SKAP1: variants seen among roughly 807,000 people sequenced by gnomAD.
SKAP1 encodes src kinase associated phosphoprotein 1.
Under a neutral mutation model 58.5 loss-of-function variants are expected in SKAP1, and 44 were observed. The observed-to-expected ratio is 0.75, with a 90% CI of 0.59 to 0.97. The LOEUF is 0.97. Among genes scored for constraint, SKAP1 ranks in the 50% least tolerant of loss-of-function variants. The pLI is 0.00. For synonymous variants in SKAP1, 127 were observed against 149.7 expected (o/e 0.85, Z 1.11); for missense variants, 390 against 435.2 (o/e 0.90, Z 0.92).
chr17:48,274,535 A>G (rs986930748), intron 4 of SKAP1, among the ~76,000 whole-genome samples: 2 of 152,046 alleles, frequency 1.3e-5, no homozygotes, highest in Non-Finnish European at 2.9e-5. Flanking sequence ...CGTCTCTACT[A>G]AAAATACAAA....
intron 10 of SKAP1, 50 bp downstream of exon 10, chr17:48,170,559 G>A (rs745804051): frequency 6.7e-7 from 1 of 1,487,614 alleles, no homozygotes; most frequent in Admixed American, 1.7e-5. Flanking sequence ...TCTCTAATCA[G>A]AAGCCCATAA....
At chr17:48,219,895 T>A (rs1289643149) in intron 4 of SKAP1, among the ~76,000 whole-genome samples, 2 of 152,212 alleles carry the variant, frequency 1.3e-5, no homozygotes, top group Non-Finnish European at 1.5e-5. Flanking sequence ...ACAGAGGAGA[T>A]GTTCCTGTGA....
chr17:48,195,224 GTTAC>G (rs2064608733), intron 4 of SKAP1, among the ~76,000 whole-genome samples: 1 of 152,074 alleles, frequency 6.6e-6, no homozygotes, highest in African/African-American at 2.4e-5. Context: ...ACTTTTCTGG[GTTAC>G]TTTTTTGCCT....
At chr17:48,326,889 C>CTTT (rs35868072) in intron 4 of SKAP1, among the ~76,000 whole-genome samples, 17 of 121,586 alleles carry the variant, frequency 1.4e-4, no homozygotes, top group South Asian at 2.7e-4. Context: ...TTCTTTCTTT[C>CTTT]TTTTTTTTTT....
intron 4 of SKAP1, 78 bp from the exon 5 acceptor site, chr17:48,189,578 C>T (rs2064509020): frequency 2.1e-6 from 2 of 970,128 alleles, no homozygotes; most frequent in African/African-American, 1.6e-5. Context: ...AGGTAATTCA[C>T]ATTAATAACA....
chr17:48,178,584 T>C (rs2064322983), intron 9 of SKAP1, among the ~76,000 whole-genome samples: 1 of 152,228 alleles, frequency 6.6e-6, no homozygotes, highest in Non-Finnish European at 1.5e-5. Context: ...TTTTCCACTC[T>C]ATAAAATTAC....
chr17:48,191,052 C>T (rs988059475), intron 4 of SKAP1, among the ~76,000 whole-genome samples: 2 of 152,142 alleles, frequency 1.3e-5, no homozygotes, highest in East Asian at 1.9e-4. Flanking sequence ...ACAAATAATA[C>T]CCTGAAACTT....
intron 4 of SKAP1, among the ~76,000 whole-genome samples, chr17:48,248,131 G>A (rs535144887): frequency 1.3e-5 from 2 of 152,184 alleles, no homozygotes; most frequent in Admixed American, 6.6e-5. Context: ...ACCTCATAGT[G>A]TAGAACTGAT....
intron 4 of SKAP1, among the ~76,000 whole-genome samples, chr17:48,257,297 G>T (rs1350895385): frequency 6.6e-6 from 1 of 151,816 alleles, no homozygotes; most frequent in East Asian, 1.9e-4. Context: ...ACATATTCTG[G>T]GGTTAAAAAA....
rs2063713870 is a variant in SKAP1 at position 48,137,352 on chromosome 17, G to C, written c.979-15C>G. On this transcript the variant is annotated splice_polypyrimidine_tract_variant and intron_variant, in intron 11 of 12. Transcript: ENST00000336915. ...ATGTTATACTCCTGAAAAGTGAAAA[G>C]AGGATAGCGTCAGTTAGAATTTGTT... 1 of 1,556,814 alleles carries C rather than the reference G, an allele frequency of 6.4e-7. No homozygotes were observed. The highest frequency in any genetic ancestry group is 8.9e-7 in the Non-Finnish European group (1 of 1,127,856).
chr17:48,206,428 A>C (rs1236268537), intron 4 of SKAP1, among the ~76,000 whole-genome samples: 2 of 100,808 alleles, frequency 2.0e-5, no homozygotes, highest in African/African-American at 2.9e-5. Context: ...GTAAAAAATA[A>C]AGACGTTTTT....
intron 4 of SKAP1, among the ~76,000 whole-genome samples, chr17:48,268,645 C>A (rs1038806160): frequency 6.6e-6 from 1 of 152,028 alleles, no homozygotes; most frequent in Non-Finnish European, 1.5e-5. Flanking sequence ...GCAGGTGCCA[C>A]CATACCCAGC....
At chr17:48,257,272 A>G (rs1040751069) in intron 4 of SKAP1, among the ~76,000 whole-genome samples, 22 of 152,098 alleles carry the variant, frequency 1.4e-4, no homozygotes, top group African/African-American at 4.3e-4. Flanking sequence ...TAACCGCTAG[A>G]TGTATTTTCT....
At chr17:48,388,211 G>A (rs1009506353) in intron 2 of SKAP1, among the ~76,000 whole-genome samples, 4 of 152,012 alleles carry the variant, frequency 2.6e-5, no homozygotes, top group African/African-American at 7.3e-5. Context: ...CGAGGCAGGC[G>A]GATCATGAGG....
At chr17:48,138,210 T>C (rs1598352195) in intron 11 of SKAP1, among the ~76,000 whole-genome samples, 1 of 142,398 alleles carries the variant, frequency 7.0e-6, no homozygotes, top group South Asian at 2.2e-4. Context: ...GGGCTATTTC[T>C]TTTTTTTTTT....
chr17:48,289,831 C>T (rs566420896), intron 4 of SKAP1, among the ~76,000 whole-genome samples: 19 of 151,684 alleles, frequency 1.3e-4, no homozygotes, highest in South Asian at 4.2e-4. Flanking sequence ...ATGAAGACTA[C>T]GTCATATTAC....
chr17:48,345,329 C>G (rs2066709337), intron 4 of SKAP1, among the ~76,000 whole-genome samples: 1 of 152,136 alleles, frequency 6.6e-6, no homozygotes, highest in Non-Finnish European at 1.5e-5. Flanking sequence ...TATTTAACTC[C>G]TCTCATTCCC....
intron 4 of SKAP1, among the ~76,000 whole-genome samples, chr17:48,244,409 G>C (rs2065273683): frequency 6.6e-6 from 1 of 152,194 alleles, no homozygotes; most frequent in Admixed American, 6.5e-5. Flanking sequence ...CATAAAGGCA[G>C]TTCTATCCTA....
intron 2 of SKAP1, among the ~76,000 whole-genome samples, chr17:48,387,572 G>A (rs534441387): frequency 2.6e-5 from 4 of 152,160 alleles, no homozygotes; most frequent in Non-Finnish European, 5.9e-5. Flanking sequence ...GTGCTTGAGA[G>A]ACTGTCCTAA....
Sources: gnomAD v4.1 joint callset for allele counts (sites outside exome capture counted in the v4.1 genomes callset) on GRCh38, gnomAD v4.1.1 for gene constraint, MANE v1.5 for transcripts, NCBI Gene and HGNC (gene_info 2026-07-23, HGNC 2026-07-21) for gene names.